RMP64: variants seen among roughly 807,000 people sequenced by gnomAD.
RMP64 encodes ribonuclease MRP subunit p64.
At chr3:113,005,616 G>A in the RMP64 span, 1 of 1,613,764 alleles carries the variant, frequency 6.2e-7, no homozygotes, top group Non-Finnish European at 8.5e-7. Context: ...TTATTTATTT[G>A]CATCACCGTC....
the RMP64 span, chr3:113,005,097 T>G: frequency 5.2e-6 from 1 of 193,916 alleles, no homozygotes; most frequent in South Asian, 1.0e-4. Flanking sequence ...GGCGGACCTA[T>G]GTATAATGGA....
At chr3:113,011,854 T>C in the RMP64 span, among the ~76,000 whole-genome samples, 1 of 152,188 alleles carries the variant, frequency 6.6e-6, no homozygotes. Context: ...ATAATATGAT[T>C]AGTAATCAAA....
chr3:113,005,255 A>G, the RMP64 span: 1 of 419,720 alleles, frequency 2.4e-6, no homozygotes, highest in Admixed American at 3.8e-5. Flanking sequence ...GAGACTTACT[A>G]GCCTCACTCA....
the RMP64 span, among the ~76,000 whole-genome samples, chr3:113,009,836 T>C: frequency 6.6e-6 from 1 of 152,150 alleles, no homozygotes; most frequent in African/African-American, 2.4e-5. Context: ...TCACTCTGAA[T>C]TCATAAATTG....
At chr3:113,018,167 A>T in the RMP64 span, among the ~76,000 whole-genome samples, 13 of 152,216 alleles carry the variant, frequency 8.5e-5, no homozygotes, top group Non-Finnish European at 1.9e-4. Flanking sequence ...TCATCAGCAG[A>T]TGCTTCCTAG....
At chr3:113,019,162 A>G in the RMP64 span, 8 of 234,436 alleles carry the variant, frequency 3.4e-5, no homozygotes, top group East Asian at 1.0e-3. Flanking sequence ...CAGGAAAAAG[A>G]AGGAAAGGGG....
the RMP64 span, chr3:113,017,685 TTTCC>T: frequency 6.3e-6 from 8 of 1,270,354 alleles, no homozygotes; most frequent in Non-Finnish European, 8.8e-6. Flanking sequence ...AAAAAGCATC[TTTCC>T]TTATTTGTTT....
chr3:113,011,535 T>G, the RMP64 span: 4 of 732,420 alleles, frequency 5.5e-6, no homozygotes, highest in East Asian at 7.7e-5. Context: ...AAAAACACTA[T>G]AGTGCACACT....
chr3:113,017,619 T>C, the RMP64 span: 20 of 1,607,138 alleles, frequency 1.2e-5, no homozygotes, highest in Admixed American at 1.7e-5. Flanking sequence ...CAGAGACATC[T>C]AATAAGATTT....
chr3:113,017,779 G>A, the RMP64 span, among the ~76,000 whole-genome samples: 1 of 152,188 alleles, frequency 6.6e-6, no homozygotes, highest in South Asian at 2.1e-4. Flanking sequence ...TTGGAAAATG[G>A]TAACAGATGA....
chr3:113,009,045 T>A, the RMP64 span, among the ~76,000 whole-genome samples: 1 of 152,302 alleles, frequency 6.6e-6, no homozygotes, highest in East Asian at 1.9e-4. Flanking sequence ...AGGGAAGATA[T>A]GGGGCCCTGC....
chr3:113,018,132 G>A, the RMP64 span, among the ~76,000 whole-genome samples: 1 of 152,196 alleles, frequency 6.6e-6, no homozygotes, highest in African/African-American at 2.4e-5. Context: ...ACTGGAAATC[G>A]TATTATTTGA....
the RMP64 span, among the ~76,000 whole-genome samples, chr3:113,007,372 A>G: frequency 1.9e-3 from 282 of 152,290 alleles, no homozygotes; most frequent in African/African-American, 6.4e-3. Context: ...AATTTTCAAT[A>G]CGTGGTTCAT....
the RMP64 span, chr3:113,004,163 T>C: frequency 6.6e-5 from 10 of 152,184 alleles, no homozygotes; most frequent in Non-Finnish European, 1.3e-4. Context: ...AAAAGGAATA[T>C]GAAAACTGAC....
the RMP64 span, chr3:113,004,170 T>G: frequency 6.6e-6 from 1 of 152,192 alleles, no homozygotes; most frequent in Admixed American, 6.5e-5. Flanking sequence ...ATATGAAAAC[T>G]GACTACAGAT....
chr3:113,003,086 A>C, the RMP64 span: 1 of 153,100 alleles, frequency 6.5e-6, no homozygotes, highest in Non-Finnish European at 1.5e-5. Context: ...GGATGTGGGT[A>C]ATCCCAGCAC....
At chr3:113,019,593 T>C in the RMP64 span, 4 of 1,613,870 alleles carry the variant, frequency 2.5e-6, no homozygotes, top group Non-Finnish European at 3.4e-6. Context: ...TTCCCCGCCT[T>C]AGGGATTCTC....
chr3:113,006,638 G>C, the RMP64 span, among the ~76,000 whole-genome samples: 1 of 152,194 alleles, frequency 6.6e-6, no homozygotes, highest in African/African-American at 2.4e-5. Flanking sequence ...TCAGTGCCTT[G>C]CTGAATTGTT....
the RMP64 span, chr3:113,011,058 C>T: frequency 6.3e-7 from 1 of 1,597,316 alleles, no homozygotes; most frequent in Non-Finnish European, 8.5e-7. Flanking sequence ...TGAAGACTCT[C>T]TTATTCTTTA....
Sources: gnomAD v4.1 joint callset for allele counts (sites outside exome capture counted in the v4.1 genomes callset) on GRCh38, gnomAD v4.1.1 for gene constraint, MANE v1.5 for transcripts, NCBI Gene and HGNC (gene_info 2026-07-23, HGNC 2026-07-21) for gene names.